CENPC: variants seen among roughly 807,000 people sequenced by gnomAD.
The protein encoded by CENPC is CENP-C 1.
In CENPC, 63 loss-of-function variants were observed where a neutral mutation model predicts 112.1. That is an observed-to-expected ratio of 0.56 (90% CI 0.46 to 0.69). The LOEUF is 0.69. Ranked by LOEUF, CENPC falls within the 30% of genes least tolerant of loss-of-function variation. The probability of loss-of-function intolerance (pLI) is 0.00; values close to 1 mark genes in which losing one functional copy is unlikely to be tolerated. For synonymous variants in CENPC, 333 were observed against 367.6 expected (o/e 0.91, Z 1.08); for missense variants, 1,000 against 1,103.8 (o/e 0.91, Z 1.33).
At chr4:67,542,984 G>A (rs1177077727) in intron 2 of CENPC, among the ~76,000 whole-genome samples, 1 of 152,124 alleles carries the variant, frequency 6.6e-6, no homozygotes, top group Non-Finnish European at 1.5e-5. Flanking sequence ...CTTCCCCTTT[G>A]TCATTATTAC....
intron 12 of CENPC, among the ~76,000 whole-genome samples, chr4:67,496,178 T>C (rs1026620890): frequency 2.0e-5 from 3 of 152,240 alleles, no homozygotes; most frequent in East Asian, 1.9e-4. Flanking sequence ...AAAGAGATGC[T>C]TGGCCAACCT....
At chr4:67,488,151 AC>A (rs569185522) in intron 17 of CENPC, among the ~76,000 whole-genome samples, 9 of 151,568 alleles carry the variant, frequency 5.9e-5, no homozygotes, top group Admixed American at 1.3e-4. Context: ...GATACTATAT[AC>A]AAAGAACTTT....
At chr4:67,475,060 A>G (rs1724766260) in intron 17 of CENPC, 82 bp from the exon 18 acceptor site, 2 of 713,042 alleles carry the variant, frequency 2.8e-6, no homozygotes, top group Non-Finnish European at 4.7e-6. Flanking sequence ...AGTGGGAAGA[A>G]TAACGACTCC....
At position 67,506,744 on chromosome 4, in the gene CENPC, G is replaced by A. The variant is rs754445888; in HGVS notation, c.2051+44C>T. ...TTGGGTAATCTGTTATACAGCAATG[G>A]GTAACTAATATATACAACTATTATC... On this transcript the variant is annotated intron_variant, in intron 11 of 18. Transcript: ENST00000273853. 5.6e-6 allele frequency: 8 copies of A among 1,427,558 alleles called. No homozygotes were observed. The South Asian group carries it at 5.7e-5, about 10-fold the overall frequency. 88.4% of individuals were successfully genotyped at this position (1,427,558 alleles called of 1,614,324 possible).
intron 4 of CENPC, among the ~76,000 whole-genome samples, chr4:67,534,567 A>C (rs190960346): frequency 6.6e-6 from 1 of 152,340 alleles, no homozygotes; most frequent in Non-Finnish European, 1.5e-5. Flanking sequence ...AAGTAGGAGC[A>C]TTTAAACTGC....
chr4:67,545,459 C>T lies in CENPC; in HGVS notation c.-104G>A, dbSNP rs1455922836. The T allele has an allele frequency of 3.2e-6, 4 of 1,268,010 alleles. No homozygotes were observed. The highest frequency in any genetic ancestry group is 4.2e-6 in the Non-Finnish European group (4 of 950,986). The allele number at this position is 1,268,010 out of a possible 1,614,324, so 78.5% of individuals were successfully genotyped here. On this transcript the variant is annotated 5_prime_UTR_variant, in exon 1 of 19. Coordinates refer to ENST00000273853, the MANE Select transcript of CENPC (RefSeq NM_001812.4). The stretch of plus-strand genomic sequence containing the variant: ...AACGAATCGCCGGAATACCAGGCCG[C>T]GGCCAAGCAATAACCTTAAGTCTCA...
chr4:67,503,481 A>G (rs777042760), intron 12 of CENPC, among the ~76,000 whole-genome samples: 13 of 152,166 alleles, frequency 8.5e-5, no homozygotes, highest in Non-Finnish European at 1.5e-4. Context: ...CAAATCATAA[A>G]TTTGTTATCT....
chr4:67,541,091 T>C, intron 2 of CENPC, 41 bp from the exon 3 acceptor site: 1 of 1,257,330 alleles, frequency 8.0e-7, no homozygotes. Context: ...TCAGAAGATA[T>C]TTCTTTATAT....
At chr4:67,520,842 T>A (rs1016456006) in intron 5 of CENPC, among the ~76,000 whole-genome samples, 4 of 151,940 alleles carry the variant, frequency 2.6e-5, no homozygotes, top group Non-Finnish European at 5.9e-5. Flanking sequence ...CGAAACCCCA[T>A]CTCTACTAAA....
intron 4 of CENPC, among the ~76,000 whole-genome samples, chr4:67,532,866 T>G (rs958793728): frequency 6.6e-6 from 1 of 152,224 alleles, no homozygotes; most frequent in Admixed American, 6.5e-5. Context: ...CTGCACGTTG[T>G]GCACATGTAC....
intron 4 of CENPC, among the ~76,000 whole-genome samples, chr4:67,532,115 A>T (rs1726568692): frequency 6.6e-6 from 1 of 152,244 alleles, no homozygotes; most frequent in Non-Finnish European, 1.5e-5. Flanking sequence ...TCAAAAGAAG[A>T]CATCTATGCA....
chr4:67,507,392 C>T (rs942256008), intron 10 of CENPC, among the ~76,000 whole-genome samples: 3 of 152,276 alleles, frequency 2.0e-5, no homozygotes, highest in African/African-American at 7.2e-5. Flanking sequence ...ATACACTCTT[C>T]CTAGTGACTG....
At chr4:67,486,668 C>T (rs557699827) in intron 17 of CENPC, among the ~76,000 whole-genome samples, 1 of 152,280 alleles carries the variant, frequency 6.6e-6, no homozygotes, top group South Asian at 2.1e-4. Flanking sequence ...TAAGCTTCTA[C>T]TTACAGGGCC....
intron 15 of CENPC, 64 bp from the exon 16 acceptor site, chr4:67,492,339 T>C (rs1195626358): frequency 2.8e-6 from 3 of 1,077,730 alleles, no homozygotes; most frequent in East Asian, 2.6e-5. Flanking sequence ...TCCCAAAAAG[T>C]TCAGTACAAA....
Position 67,492,301 on chromosome 4 carries a change from C to T in CENPC, c.2420-26G>A, listed in dbSNP as rs1360448436. On this transcript the variant is annotated intron_variant, in intron 15 of 18. Transcript: ENST00000273853. Reference sequence around the variant, plus strand: ...CTGCAAAAGAAATACCATTGAAATACAAACTACTTACTTAAAATTATTCTC... The same window carrying T: ...CTGCAAAAGAAATACCATTGAAATATAAACTACTTACTTAAAATTATTCTC... 2.5e-5 allele frequency: 35 copies of T among 1,400,856 alleles called. No individual in the cohort carries two copies. The East Asian group carries it at 4.2e-4, about 17-fold the overall frequency. 86.8% of individuals were successfully genotyped at this position (1,400,856 alleles called of 1,614,324 possible).
intron 8 of CENPC, 24 bp downstream of exon 8, chr4:67,514,050 G>T (rs757831506): frequency 6.5e-7 from 1 of 1,537,430 alleles, no homozygotes; most frequent in Admixed American, 2.1e-5. Context: ...AATGCTCATG[G>T]TTATATTTAA....
In CENPC at chr4:67,538,971, T is replaced by C. The variant is rs58796874; in HGVS notation, c.231+869A>G. On this transcript the variant is annotated intron_variant, in intron 4 of 18. Coordinates refer to ENST00000273853, the MANE Select transcript of CENPC (RefSeq NM_001812.4). ...GCAGGAGTGTTAGCCTTCTGTGACT[T>C]ACTGCATTCTACCTAGAAGAGGAAC... Among the ~76,000 whole-genome samples the C allele has an allele frequency of 3.9e-5, 6 of 152,346 alleles. No homozygotes were observed. The East Asian group carries it at 1.2e-3, about 29-fold the overall frequency.
chr4:67,493,030 G>A, intron 14 of CENPC, 33 bp from the exon 15 acceptor site: 2 of 1,472,622 alleles, frequency 1.4e-6, no homozygotes, highest in Non-Finnish European at 1.8e-6. Flanking sequence ...AAATATACAT[G>A]GGAAAGACAA....
intron 9 of CENPC, among the ~76,000 whole-genome samples, chr4:67,509,964 A>G (rs528673090): frequency 6.6e-6 from 1 of 152,274 alleles, no homozygotes; most frequent in African/African-American, 2.4e-5. Context: ...TGCTTATTTC[A>G]TAAACCACAA....
Sources: gnomAD v4.1 joint callset for allele counts (sites outside exome capture counted in the v4.1 genomes callset) on GRCh38, gnomAD v4.1.1 for gene constraint, MANE v1.5 for transcripts, NCBI Gene and HGNC (gene_info 2026-07-23, HGNC 2026-07-21) for gene names.